Variants in PRMT7 observed in about 807,000 individuals in gnomAD.
PRMT7 encodes protein arginine N-methyltransferase 7.
PRMT7 carries 75 observed loss-of-function variants against 85.4 expected under a neutral mutation model. The ratio of observed to expected loss-of-function variants is 0.88; its 90% confidence interval spans 0.73 to 1.06. PRMT7 has a LOEUF of 1.06. Ranked by LOEUF, PRMT7 falls within the 50% of genes least tolerant of loss-of-function variation. PRMT7 has a pLI of 0.00. For synonymous variants in PRMT7, 397 were observed against 359.5 expected (o/e 1.10, Z -1.18); for missense variants, 868 against 915.2 (o/e 0.95, Z 0.67).
rs967074741 is a variant in PRMT7, at chr16:68,321,691, A to T, written c.132+229A>T. The T allele has an allele frequency of 1.1e-4, 51 of 457,590 alleles. 1 individual carries two copies. Among genetic ancestry groups the T allele is most frequent in the Non-Finnish European group, 2.4e-5 (6 of 254,340 alleles). The allele number at this position is 457,590 out of a possible 1,614,324, so 28.3% of individuals were successfully genotyped here. On this transcript the variant is annotated intron_variant, in intron 4 of 18. Coordinates refer to ENST00000441236, the MANE Select transcript of PRMT7 (RefSeq NM_019023.5). ...TGACAAATAAAAATGGTCTATGTTTATGGTAATACAATGTGATGAATATAT... is the reference window on the plus strand; with the variant it reads ...TGACAAATAAAAATGGTCTATGTTTTTGGTAATACAATGTGATGAATATAT...
At chr16:68,347,370 T>A (rs1248759275) in intron 12 of PRMT7, 76 bp downstream of exon 12, 2 of 1,407,950 alleles carry the variant, frequency 1.4e-6, no homozygotes, top group African/African-American at 2.9e-5. Context: ...GGTGCACAAT[T>A]CTGTGATCAA....
intron 1 of PRMT7, chr16:68,311,448 TGA>T: frequency 4.6e-6 from 1 of 216,722 alleles, no homozygotes; most frequent in East Asian, 1.7e-4. Flanking sequence ...CTCACTGTTC[TGA>T]GTAATTGGAG....
At position 68,352,281 on chromosome 16, in the gene PRMT7, A is replaced by G; in HGVS notation, c.1447A>G (p.Thr483Ala). 6.2e-7 allele frequency: 1 copy of G among 1,613,724 alleles called. No homozygotes were observed. Reference protein sequence around the residue: ...SLLLGEPFFTTSLLPWHNLYF... With the variant: ...SLLLGEPFFTASLLPWHNLYF... The stretch of plus-strand genomic sequence containing the variant: ...CCTCCTGGGCGAGCCGTTCTTCACT[A>G]CCAGCCTGCTGCCGTGGCACAACCT... Residue 483 changes from threonine to alanine, a missense_variant, in exon 15 of 19, where the codon ACC (threonine) becomes GCC (alanine). Thr to Ala is a moderately conservative substitution (Grantham distance 58). Coordinates refer to ENST00000441236, the MANE Select transcript of PRMT7 (RefSeq NM_019023.5).
At chr16:68,342,517 G>A (rs924396848) in intron 9 of PRMT7, among the ~76,000 whole-genome samples, 1 of 152,158 alleles carries the variant, frequency 6.6e-6, no homozygotes, top group African/African-American at 2.4e-5. Context: ...CTTTGTCCAT[G>A]GTCCAGCCTG....
rs966499525 is a variant in PRMT7, at chr16:68,357,170, C to T, written c.2025C>T (p.His675=). The T allele has an allele frequency of 6.2e-7, 1 of 1,613,968 alleles. No individual in the cohort carries two copies. Among genetic ancestry groups the T allele is most frequent in the Middle Eastern group, 1.6e-4 (1 of 6,062 alleles). The change falls in exon 19 of 19, where the codon CAC becomes CAT. Residue 675 remains histidine, a synonymous_variant. Transcript: ENST00000441236. ...PRTVSYAVEF[H]PDTGDIIMEF... ...CTGTCAGCTATGCAGTGGAGTTTCA[C>T]CCCGACACAGGCGACATCATCATGG...
At chr16:68,359,505 T>C (rs1386202371), downstream of PRMT7, 6 of 152,744 alleles carry the variant, frequency 3.9e-5, no homozygotes, top group Admixed American at 3.9e-4. Flanking sequence ...TCTGCAGCGT[T>C]GTCTGCCCCA....
intron 4 of PRMT7, among the ~76,000 whole-genome samples, chr16:68,322,119 C>T (rs2082567279): frequency 6.6e-6 from 1 of 152,116 alleles, no homozygotes; most frequent in Non-Finnish European, 1.5e-5. Flanking sequence ...TATTATTATA[C>T]TATTATACCT....
At chr16:68,326,757 A>G (rs1597217968) in intron 5 of PRMT7, among the ~76,000 whole-genome samples, 1 of 152,304 alleles carries the variant, frequency 6.6e-6, no homozygotes, top group East Asian at 1.9e-4. Context: ...AGAGGAGGAC[A>G]CAGAATGGAT....
At chr16:68,354,890 G>C (rs886644102) in intron 16 of PRMT7, 6 of 152,324 alleles carry the variant, frequency 3.9e-5, no homozygotes, top group Non-Finnish European at 7.3e-5. Context: ...GGCCCTTCCA[G>C]TGCCCTGTCT....
chr16:68,343,777 G>C (rs900359430), intron 9 of PRMT7, among the ~76,000 whole-genome samples: 1 of 152,168 alleles, frequency 6.6e-6, no homozygotes, highest in Non-Finnish European at 1.5e-5. Context: ...TCATTTTCTA[G>C]TTTTTATGTT....
chr16:68,319,680 A>G (rs887693242), intron 3 of PRMT7, among the ~76,000 whole-genome samples: 2 of 146,382 alleles, frequency 1.4e-5, no homozygotes. Context: ...TGCCTGGAGC[A>G]CATTAGCCCA....
intron 14 of PRMT7, among the ~76,000 whole-genome samples, chr16:68,349,085 C>T (rs1352425632): frequency 6.6e-6 from 1 of 152,164 alleles, no homozygotes; most frequent in Non-Finnish European, 1.5e-5. Flanking sequence ...TGCAGTCAGG[C>T]TTCCGGGCCC....
intron 5 of PRMT7, among the ~76,000 whole-genome samples, chr16:68,325,817 A>G (rs918625411): frequency 6.6e-6 from 1 of 152,060 alleles, no homozygotes; most frequent in Non-Finnish European, 1.5e-5. Flanking sequence ...AAAAAACCTT[A>G]TGCCTAGTCC....
intron 9 of PRMT7, among the ~76,000 whole-genome samples, chr16:68,341,410 T>TTTTG (rs1318111186): frequency 6.6e-6 from 1 of 152,080 alleles, no homozygotes; most frequent in Non-Finnish European, 1.5e-5. Flanking sequence ...GGCTACGGTT[T>TTTTG]TTTGTTTGTT....
At chr16:68,324,853 G>A (rs1221772253) in intron 5 of PRMT7, 21 bp downstream of exon 5, 3 of 1,612,340 alleles carry the variant, frequency 1.9e-6, no homozygotes, top group Non-Finnish European at 2.5e-6. Flanking sequence ...CCCTTCAGGT[G>A]TGTGTCCTGC....
chr16:68,344,103 G>T (rs1180132686), intron 9 of PRMT7, among the ~76,000 whole-genome samples: 1 of 152,194 alleles, frequency 6.6e-6, no homozygotes, highest in Admixed American at 6.5e-5. Context: ...GAGTAGCTGG[G>T]ACTACAGGCA....
rs1443528538 is a variant in PRMT7, at chr16:68,357,368, G to T, written c.*144G>T. ...GAAAGACTGCGCCGTGTTGCATCTTGTTGCATCTTTGCACTGCTGGCCTCT... is the reference window on the plus strand; with the variant it reads ...GAAAGACTGCGCCGTGTTGCATCTTTTTGCATCTTTGCACTGCTGGCCTCT... On this transcript the variant is annotated 3_prime_UTR_variant, in exon 19 of 19. Coordinates refer to ENST00000441236, the MANE Select transcript of PRMT7 (RefSeq NM_019023.5). The T allele has an allele frequency of 3.4e-6, 3 of 886,262 alleles. No individual in the cohort carries two copies. The highest frequency in any genetic ancestry group is 5.0e-6 in the Non-Finnish European group (3 of 595,362). 54.9% of individuals were successfully genotyped at this position (886,262 alleles called of 1,614,324 possible).
chr16:68,329,269 A>T, intron 6 of PRMT7, 95 bp downstream of exon 6: 1 of 904,252 alleles, frequency 1.1e-6, no homozygotes, highest in Non-Finnish European at 1.8e-6. Flanking sequence ...TCCAGGTCAT[A>T]GCATAGAAGT....
At chr16:68,342,905 A>G (rs976285710) in intron 9 of PRMT7, among the ~76,000 whole-genome samples, 1 of 152,194 alleles carries the variant, frequency 6.6e-6, no homozygotes, top group African/African-American at 2.4e-5. Flanking sequence ...TAGCATAAGA[A>G]TAGCATTAAA....
Sources: allele counts gnomAD v4.1 joint callset (sites outside exome capture counted in the v4.1 genomes callset), GRCh38; gene constraint gnomAD v4.1.1; transcripts MANE v1.5; gene names NCBI Gene and HGNC (gene_info 2026-07-23, HGNC 2026-07-21).